SIPA1L1: variants seen among roughly 807,000 people sequenced by gnomAD.
SIPA1L1 encodes the protein signal-induced proliferation-associated 1-like protein 1.
In SIPA1L1, 26 loss-of-function variants were observed where a neutral mutation model predicts 162.7. That is an observed-to-expected ratio of 0.16 (90% confidence interval 0.12 to 0.22). SIPA1L1 has a LOEUF of 0.22. SIPA1L1 is among the 10% of genes least tolerant of loss of function. SIPA1L1 has a pLI of 1.00. For synonymous variants in SIPA1L1, 829 were observed against 837.4 expected (o/e 0.99, Z 0.17); for missense variants, 1,874 against 2,241.0 (o/e 0.84, Z 3.31).
chr14:71,709,725 C>G, intron 17 of SIPA1L1, 61 bp downstream of exon 17: 1 of 1,437,948 alleles, frequency 7.0e-7, no homozygotes, highest in South Asian at 1.3e-5. Flanking sequence ...TCCCTGGCCT[C>G]AGCCCACTTT....
chr14:71,688,175 A>T (rs2081003032), intron 13 of SIPA1L1, among the ~76,000 whole-genome samples: 1 of 152,222 alleles, frequency 6.6e-6, no homozygotes, highest in African/African-American at 2.4e-5. Flanking sequence ...AAGAGAAGGT[A>T]CTATAGATTG....
At chr14:71,334,037 C>T (rs991348997) in intron 2 of SIPA1L1, among the ~76,000 whole-genome samples, 1 of 152,064 alleles carries the variant, frequency 6.6e-6, no homozygotes. Context: ...ATGGGGATGC[C>T]ATTTATTGAA....
intron 2 of SIPA1L1, among the ~76,000 whole-genome samples, chr14:71,401,231 A>G (rs1404216387): frequency 1.3e-5 from 2 of 152,190 alleles, no homozygotes; most frequent in East Asian, 3.8e-4. Flanking sequence ...ATGTTTTTCC[A>G]AGATGATTTT....
At chr14:71,416,173 T>TAATA (rs2042746494) in intron 2 of SIPA1L1, 1 of 152,104 alleles carries the variant, frequency 6.6e-6, no homozygotes, top group Non-Finnish European at 1.5e-5. Context: ...AATCTATAGT[T>TAATA]TTATTAACAC....
chr14:71,330,723 C>T, intron 2 of SIPA1L1: 1 of 865,544 alleles, frequency 1.2e-6, no homozygotes, highest in South Asian at 1.3e-5. Context: ...GCAGGAAAAC[C>T]ACCGGGTAGT....
chr14:71,388,497 CCTAA>C (rs2040509174), intron 2 of SIPA1L1, among the ~76,000 whole-genome samples: 2 of 152,146 alleles, frequency 1.3e-5, no homozygotes, highest in South Asian at 2.1e-4. Context: ...TATGAATGCA[CCTAA>C]CTGAGATTTT....
Position 71,564,749 on chromosome 14 carries a change from A to G in SIPA1L1, c.-302-22822A>G, listed in dbSNP as rs117440562. ...TGTGATCCGCCCGCCTTGGTCTCCC[A>G]AAGTGCTGGGATTGGAGGAGTGAGC... On this transcript the variant is annotated intron_variant, in intron 4 of 23. Transcript: ENST00000381232. Among the ~76,000 whole-genome samples, 1,076 of 152,164 alleles carry G rather than the reference A, an allele frequency of 7.1e-3. 6 individuals are homozygous for G. The highest frequency in any genetic ancestry group is 0.012 in the Non-Finnish European group (818 of 67,998).
intron 2 of SIPA1L1, among the ~76,000 whole-genome samples, chr14:71,451,704 C>T (rs35831373): frequency 0.19 from 27,882 of 149,896 alleles, 3,077 homozygotes; most frequent in Middle Eastern, 0.36. Flanking sequence ...CTGTGTACTA[C>T]ATTCTTGCTA....
intron 2 of SIPA1L1, among the ~76,000 whole-genome samples, chr14:71,391,939 T>G (rs1334652418): frequency 2.6e-5 from 4 of 152,224 alleles, no homozygotes; most frequent in Non-Finnish European, 5.9e-5. Flanking sequence ...GCTGTACTGG[T>G]TCTCTTTCCA....
intron 2 of SIPA1L1, among the ~76,000 whole-genome samples, chr14:71,500,796 C>T (rs547984323): frequency 2.6e-5 from 4 of 152,224 alleles, no homozygotes; most frequent in East Asian, 1.9e-4. Context: ...CACCTGAGAT[C>T]GGGAGTTTGA....
At chr14:71,476,647 CGTTTT>C (rs1567076012) in intron 2 of SIPA1L1, among the ~76,000 whole-genome samples, 1 of 140,450 alleles carries the variant, frequency 7.1e-6, no homozygotes, top group Non-Finnish European at 1.5e-5. Flanking sequence ...TCAATTTGTT[CGTTTT>C]ATTTATTTAT....
At chr14:71,374,772 G>A (rs1428032876) in intron 2 of SIPA1L1, among the ~76,000 whole-genome samples, 3 of 147,992 alleles carry the variant, frequency 2.0e-5, no homozygotes, top group Non-Finnish European at 4.4e-5. Context: ...CCTATAGCCT[G>A]TAGTTTTCAA....
intron 2 of SIPA1L1, among the ~76,000 whole-genome samples, chr14:71,430,790 T>C (rs931489086): frequency 3.3e-5 from 5 of 152,194 alleles, no homozygotes; most frequent in African/African-American, 1.2e-4. Context: ...CAATTTCTCT[T>C]TCTTTTCACC....
chr14:71,623,814 T>G (rs2148593910), intron 6 of SIPA1L1, among the ~76,000 whole-genome samples: 1 of 152,280 alleles, frequency 6.6e-6, no homozygotes, highest in East Asian at 1.9e-4. Flanking sequence ...TCCTCAGAAG[T>G]CTTGATTATG....
chr14:71,604,815 A>G (rs997430314), intron 5 of SIPA1L1, among the ~76,000 whole-genome samples: 3 of 151,388 alleles, frequency 2.0e-5, no homozygotes, highest in Non-Finnish European at 2.9e-5. Flanking sequence ...TTCTCTTGCT[A>G]TTTTTGTCTT....
intron 2 of SIPA1L1, among the ~76,000 whole-genome samples, chr14:71,485,812 A>G (rs1241764794): frequency 6.6e-6 from 1 of 152,156 alleles, no homozygotes; most frequent in Non-Finnish European, 1.5e-5. Flanking sequence ...GGTTTAGGGC[A>G]TAGACCCCCA....
At chr14:71,694,898 A>G (rs117973164) in intron 13 of SIPA1L1, among the ~76,000 whole-genome samples, 208 of 152,326 alleles carry the variant, frequency 1.4e-3, no homozygotes, top group Non-Finnish European at 2.4e-3. Flanking sequence ...GTACGCTTGT[A>G]AGGTGGGGTG....
chr14:71,740,677 GT>G lies in SIPA1L1; in HGVS notation c.*1519del, dbSNP rs2085687616. 6.6e-6 allele frequency: 1 copy of G among 151,968 alleles called. No homozygotes were observed. The highest frequency in any genetic ancestry group is 6.6e-5 in the Admixed American group (1 of 15,248). 9.4% of individuals were successfully genotyped at this position (151,968 alleles called of 1,614,324 possible). ...TTCACTACCAGATTTTTATGCTACA[GT>G]TTCATTCTTGATTGTGATTTCTCCA... On this transcript the variant is annotated 3_prime_UTR_variant, in exon 24 of 24. Coordinates refer to ENST00000381232, the MANE Select transcript of SIPA1L1 (RefSeq NM_001386936.1).
intron 10 of SIPA1L1, among the ~76,000 whole-genome samples, chr14:71,670,040 A>G (rs1298743545): frequency 6.6e-6 from 1 of 152,194 alleles, no homozygotes; most frequent in Non-Finnish European, 1.5e-5. Flanking sequence ...AGAGTTCAGA[A>G]GAAACCGATT....
Sources: allele counts gnomAD v4.1 joint callset (sites outside exome capture counted in the v4.1 genomes callset), GRCh38; gene constraint gnomAD v4.1.1; transcripts MANE v1.5; gene names NCBI Gene and HGNC (gene_info 2026-07-23, HGNC 2026-07-21).